ELMO1: variants seen among roughly 807,000 people sequenced by gnomAD.
ELMO1 encodes engulfment and cell motility 1.
A neutral mutation model predicts 98.9 loss-of-function variants in ELMO1; 26 were observed. The observed-to-expected ratio is 0.26, with a 90% CI of 0.19 to 0.36. The LOEUF (loss-of-function observed/expected upper bound fraction) is 0.36. ELMO1 is among the 10% of genes least tolerant of loss of function. ELMO1 has a pLI of 1.00. For synonymous variants in ELMO1, 346 were observed against 346.0 expected (o/e 1.00, Z 0.00); for missense variants, 627 against 935.2 (o/e 0.67, Z 4.30).
chr7:37,321,220 A>G (rs1799472899), intron 2 of ELMO1, among the ~76,000 whole-genome samples: 1 of 152,180 alleles, frequency 6.6e-6, no homozygotes, highest in African/African-American at 2.4e-5. Flanking sequence ...TCTGTCTGAC[A>G]TGAGCTCATT....
intron 1 of ELMO1, among the ~76,000 whole-genome samples, chr7:37,368,271 G>A (rs1583635709): frequency 6.6e-6 from 1 of 152,066 alleles, no homozygotes; most frequent in East Asian, 1.9e-4. Flanking sequence ...CTTTATCAAG[G>A]TTTCTGAGTA....
Position 36,855,265 on chromosome 7 carries a change from C to T in ELMO1, c.*286G>A. On this transcript the variant is annotated 3_prime_UTR_variant, in exon 22 of 22. Coordinates refer to ENST00000310758, the MANE Select transcript of ELMO1 (RefSeq NM_014800.11). This position sits in a 1 kb window ranked among gnomAD's most constrained non-coding sequence, Gnocchi z 4.2. The stretch of plus-strand genomic sequence containing the variant: ...CTGCAGAGGGCTAGGATGGAAGGGC[C>T]CTTTGGCCTTCTTACTGGCAGTGGG... The T allele has an allele frequency of 2.2e-6, 1 of 453,592 alleles. No individual in the cohort carries two copies. The highest frequency in any genetic ancestry group is 4.1e-6 in the Non-Finnish European group (1 of 245,988). 28.1% of individuals were successfully genotyped at this position (453,592 alleles called of 1,614,324 possible). A position where few individuals can be genotyped will look rare whatever the true frequency, so the allele number is the denominator to read the frequency against.
intron 4 of ELMO1, among the ~76,000 whole-genome samples, chr7:37,313,293 C>T (rs1320133986): frequency 6.6e-6 from 1 of 152,170 alleles, no homozygotes; most frequent in African/African-American, 2.4e-5. Context: ...GGCACGATCT[C>T]TGCTCACTGC....
intron 1 of ELMO1, among the ~76,000 whole-genome samples, chr7:37,384,744 G>A (rs1355176059): frequency 6.6e-6 from 1 of 151,492 alleles, no homozygotes; most frequent in Non-Finnish European, 1.5e-5. Context: ...GAACTTTCCA[G>A]TTTGTTTATT....
intron 14 of ELMO1, among the ~76,000 whole-genome samples, chr7:37,126,297 T>A (rs866438502): frequency 9.0e-5 from 6 of 66,476 alleles, no homozygotes; most frequent in African/African-American, 3.5e-4. Flanking sequence ...AAAGTATAAT[T>A]TAAATATATA....
At chr7:36,879,055 A>G (rs1804209508) in intron 18 of ELMO1, among the ~76,000 whole-genome samples, 1 of 152,194 alleles carries the variant, frequency 6.6e-6, no homozygotes, top group Non-Finnish European at 1.5e-5. Flanking sequence ...ATTGGAGCCT[A>G]ATGTTAACAC....
chr7:37,057,972 C>T (rs1796474013), intron 15 of ELMO1, among the ~76,000 whole-genome samples: 1 of 152,166 alleles, frequency 6.6e-6, no homozygotes, highest in African/African-American at 2.4e-5. Flanking sequence ...GTTATTAACC[C>T]TAAAGAACTT....
At chr7:37,374,981 C>T (rs1465411237) in intron 1 of ELMO1, among the ~76,000 whole-genome samples, 1 of 152,056 alleles carries the variant, frequency 6.6e-6, no homozygotes, top group Non-Finnish European at 1.5e-5. Context: ...ATTGCTTGAA[C>T]CCAGGAGGTG....
At chr7:37,153,195 C>T (rs184540925) in intron 13 of ELMO1, among the ~76,000 whole-genome samples, 3 of 152,266 alleles carry the variant, frequency 2.0e-5, no homozygotes, top group East Asian at 1.9e-4. Flanking sequence ...GAAACAGCTC[C>T]GGTCTACAGC....
chr7:37,041,489 G>A (rs1205482463), intron 15 of ELMO1, among the ~76,000 whole-genome samples: 1 of 152,164 alleles, frequency 6.6e-6, no homozygotes, highest in African/African-American at 2.4e-5. Flanking sequence ...TATCAGGAGT[G>A]AGTGTTTTTG....
chr7:37,231,814 G>A lies in ELMO1; in HGVS notation c.549+1281C>T, dbSNP rs530283361. 2.0e-5 allele frequency among the ~76,000 whole-genome samples: 3 copies of A among 152,192 alleles called. No individual in the cohort carries two copies. In the South Asian group the frequency reaches 6.2e-4, roughly 32 times the overall value. On this transcript the variant is annotated intron_variant, in intron 8 of 21. Transcript: ENST00000310758. ...CATTTTGCAAAATGTTAACTTTAGGGGAGGCTGGATGAAGGGCTTATAGGA... is the reference window on the plus strand; with the variant it reads ...CATTTTGCAAAATGTTAACTTTAGGAGAGGCTGGATGAAGGGCTTATAGGA...
intron 4 of ELMO1, among the ~76,000 whole-genome samples, chr7:37,304,274 AT>A (rs1798488981): frequency 6.6e-6 from 1 of 152,200 alleles, no homozygotes; most frequent in South Asian, 2.1e-4. Context: ...GGAAAGAGGA[AT>A]GGCTGGCTGA....
At chr7:37,432,581 T>A (rs566611746) in intron 1 of ELMO1, among the ~76,000 whole-genome samples, 45 of 152,352 alleles carry the variant, frequency 3.0e-4, no homozygotes, top group African/African-American at 1.1e-3. Flanking sequence ...AAACCCCTGA[T>A]AACTGCTAGA....
chr7:37,171,687 T>C (rs1011931091), intron 13 of ELMO1, among the ~76,000 whole-genome samples: 4 of 151,874 alleles, frequency 2.6e-5, no homozygotes, highest in Non-Finnish European at 4.4e-5. Context: ...GGAGACGGGG[T>C]TTCACCATGT....
intron 1 of ELMO1, among the ~76,000 whole-genome samples, chr7:37,359,613 G>A (rs537342909): frequency 6.6e-6 from 1 of 152,286 alleles, no homozygotes; most frequent in Admixed American, 6.5e-5. Context: ...AGTCACTGAG[G>A]AAACTGGTCA....
intron 1 of ELMO1, among the ~76,000 whole-genome samples, chr7:37,360,098 A>G (rs945808825): frequency 2.0e-5 from 3 of 152,084 alleles, no homozygotes; most frequent in Non-Finnish European, 2.9e-5. Flanking sequence ...TTACCTTTTC[A>G]CTTCATGAAT....
At chr7:37,228,587 T>C (rs1793993747) in intron 8 of ELMO1, among the ~76,000 whole-genome samples, 1 of 152,192 alleles carries the variant, frequency 6.6e-6, no homozygotes, top group Non-Finnish European at 1.5e-5. Context: ...ATAAGAGAAA[T>C]ACTTATGTAA....
chr7:37,161,820 G>T (rs1322360305), intron 13 of ELMO1, among the ~76,000 whole-genome samples: 1 of 145,244 alleles, frequency 6.9e-6, no homozygotes, highest in Non-Finnish European at 1.5e-5. Flanking sequence ...AAATACACAG[G>T]AAACTTCTAC....
intron 14 of ELMO1, among the ~76,000 whole-genome samples, chr7:37,107,837 ATC>A (rs935195106): frequency 5.3e-5 from 8 of 152,200 alleles, no homozygotes; most frequent in African/African-American, 1.9e-4. Flanking sequence ...GATAAAATGA[ATC>A]TGTCTAAGTC....
Sources: allele counts gnomAD v4.1 joint callset (sites outside exome capture counted in the v4.1 genomes callset), GRCh38; gene constraint gnomAD v4.1.1; non-coding constraint Gnocchi (gnomAD v3.1); transcripts MANE v1.5; gene names NCBI Gene and HGNC (gene_info 2026-07-23, HGNC 2026-07-21).